Variants in PDE4D observed in about 807,000 individuals in gnomAD.
PDE4D encodes phosphodiesterase 4D.
Under a neutral mutation model 87.4 loss-of-function variants are expected in PDE4D, and 24 were observed. That is an observed-to-expected ratio of 0.27 (90% confidence interval 0.20 to 0.39). PDE4D has a LOEUF of 0.39. PDE4D is among the 10% of genes least tolerant of loss of function. PDE4D has a pLI of 1.00. For synonymous variants in PDE4D, 384 were observed against 383.2 expected (o/e 1.00, Z -0.02); for missense variants, 714 against 1,041.0 (o/e 0.69, Z 4.32).
At chr5:59,787,503 C>T (rs1054876746) in intron 1 of PDE4D, among the ~76,000 whole-genome samples, 1 of 152,172 alleles carries the variant, frequency 6.6e-6, no homozygotes, top group Non-Finnish European at 1.5e-5. Context: ...ATGGGTAGGT[C>T]TGTGACTTAC....
intron 1 of PDE4D, among the ~76,000 whole-genome samples, chr5:60,256,250 A>T (rs1749033265): frequency 6.6e-6 from 1 of 151,870 alleles, no homozygotes; most frequent in Non-Finnish European, 1.5e-5. Flanking sequence ...AAACTCAAAG[A>T]TATTACTTCA....
intron 1 of PDE4D, among the ~76,000 whole-genome samples, chr5:60,419,927 T>A (rs1438787901): frequency 6.6e-6 from 1 of 152,074 alleles, no homozygotes; most frequent in Non-Finnish European, 1.5e-5. Flanking sequence ...ATGGCTGGCA[T>A]CTATAAAGCA....
Position 59,432,088 on chromosome 5 carries a change from A to G in PDE4D, c.456-216120T>C, listed in dbSNP as rs954206173. Among the ~76,000 whole-genome samples, 81 of 152,274 alleles carry G rather than the reference A, an allele frequency of 5.3e-4. 1 individual carries two copies. The highest frequency in any genetic ancestry group is 6.8e-3 in the Middle Eastern group (2 of 294). The stretch of plus-strand genomic sequence containing the variant: ...TGCCAAATGACACAGAAATGTGAAG[A>G]TAAAAAAGATTGCTGTCTTTTCCCT... On this transcript the variant is annotated intron_variant, in intron 1 of 14. Coordinates refer to ENST00000340635, the MANE Select transcript of PDE4D (RefSeq NM_001104631.2).
chr5:60,384,285 G>T (rs1279367980), intron 1 of PDE4D, among the ~76,000 whole-genome samples: 2 of 152,146 alleles, frequency 1.3e-5, no homozygotes, highest in Non-Finnish European at 2.9e-5. Flanking sequence ...CGCAAATCAT[G>T]CCACCCTATA....
chr5:59,026,366 A>T (rs114047127), intron 6 of PDE4D, among the ~76,000 whole-genome samples: 1 of 152,228 alleles, frequency 6.6e-6, no homozygotes, highest in Non-Finnish European at 1.5e-5. Context: ...TGAAAGGCAC[A>T]AAGTAGAATG....
intron 2 of PDE4D, among the ~76,000 whole-genome samples, chr5:60,105,131 G>A (rs977294343): frequency 4.6e-5 from 7 of 152,148 alleles, no homozygotes; most frequent in Non-Finnish European, 7.3e-5. Context: ...TTAGACGAAC[G>A]TATAGCTAGA....
At chr5:59,808,565 A>G (rs1393455060) in intron 1 of PDE4D, among the ~76,000 whole-genome samples, 1 of 151,586 alleles carries the variant, frequency 6.6e-6, no homozygotes, top group African/African-American at 2.4e-5. Context: ...AACCTGTTAC[A>G]TCTTGATCTA....
intron 1 of PDE4D, among the ~76,000 whole-genome samples, chr5:59,416,629 A>G (rs1793659156): frequency 6.6e-6 from 1 of 152,220 alleles, no homozygotes; most frequent in Admixed American, 6.5e-5. Context: ...CTAAAATTCT[A>G]CCAATTTTCA....
At chr5:59,169,099 G>A (rs548017068) in intron 5 of PDE4D, among the ~76,000 whole-genome samples, 10 of 152,210 alleles carry the variant, frequency 6.6e-5, no homozygotes, top group Admixed American at 1.3e-4. Flanking sequence ...AAGAAACGAC[G>A]CTGTGAGTGC....
intron 5 of PDE4D, among the ~76,000 whole-genome samples, chr5:59,163,514 G>A (rs781623108): frequency 7.9e-5 from 12 of 151,916 alleles, no homozygotes; most frequent in African/African-American, 1.4e-4. Flanking sequence ...CAGGTGATCC[G>A]CCCCTCCTTG....
chr5:59,465,506 C>T (rs987349199), intron 1 of PDE4D, among the ~76,000 whole-genome samples: 1 of 152,290 alleles, frequency 6.6e-6, no homozygotes, highest in African/African-American at 2.4e-5. Context: ...ATATTTACTA[C>T]ACAACACTGA....
At chr5:59,537,565 C>T (rs534697308) in intron 1 of PDE4D, among the ~76,000 whole-genome samples, 2 of 152,082 alleles carry the variant, frequency 1.3e-5, no homozygotes, top group Non-Finnish European at 2.9e-5. Context: ...CTGTCTGTGG[C>T]TTCTCAAAAG....
intron 2 of PDE4D, among the ~76,000 whole-genome samples, chr5:60,003,638 G>A (rs1447091088): frequency 2.0e-5 from 3 of 150,874 alleles, no homozygotes; most frequent in African/African-American, 7.3e-5. Flanking sequence ...GAACCTGGGA[G>A]GCAGAGGTTG....
chr5:59,012,323 G>C (rs1482405747), intron 6 of PDE4D, among the ~76,000 whole-genome samples: 1 of 152,130 alleles, frequency 6.6e-6, no homozygotes, highest in African/African-American at 2.4e-5. Context: ...ATATGTAAAT[G>C]GGCTAAATGT....
chr5:59,806,168 T>C (rs1486825208), intron 1 of PDE4D, among the ~76,000 whole-genome samples: 3 of 152,234 alleles, frequency 2.0e-5, no homozygotes, highest in Admixed American at 2.0e-4. Context: ...CTAAGCTGGT[T>C]ATGAAACTGA....
chr5:59,235,210 T>G (rs1756131740), intron 1 of PDE4D, among the ~76,000 whole-genome samples: 1 of 152,206 alleles, frequency 6.6e-6, no homozygotes, highest in East Asian at 1.9e-4. Flanking sequence ...TCAGGGCACC[T>G]TGGGTGCTTT....
chr5:59,264,891 T>C (rs17444059), intron 1 of PDE4D, among the ~76,000 whole-genome samples: 13,081 of 152,044 alleles, frequency 0.086, 692 homozygotes, highest in Non-Finnish European at 0.12. Flanking sequence ...TCTATTTTTG[T>C]CTGTTGTTCT....
intron 2 of PDE4D, among the ~76,000 whole-genome samples, chr5:60,035,255 CA>C (rs55913764): frequency 0.55 from 69,186 of 126,342 alleles, 16,589 homozygotes; most frequent in East Asian, 0.78. Context: ...GACTCCGTCT[CA>C]AAAAAAAAAA....
intron 1 of PDE4D, among the ~76,000 whole-genome samples, chr5:59,296,227 G>T (rs1328866344): frequency 3.3e-5 from 5 of 151,876 alleles, no homozygotes; most frequent in Non-Finnish European, 7.4e-5. Flanking sequence ...CATCAGTAGG[G>T]TAATATTTAC....
Sources: allele counts gnomAD v4.1 joint callset (sites outside exome capture counted in the v4.1 genomes callset), GRCh38; gene constraint gnomAD v4.1.1; transcripts MANE v1.5; gene names NCBI Gene and HGNC (gene_info 2026-07-23, HGNC 2026-07-21).